CAMKMT: variants seen among roughly 807,000 people sequenced by gnomAD.
The protein encoded by CAMKMT is CaM KMT.
CAMKMT carries 53 observed loss-of-function variants against 48.0 expected under a neutral mutation model. That is an observed-to-expected ratio of 1.10 (90% CI 0.89 to 1.39). The LOEUF is 1.39. Among genes scored for constraint, CAMKMT ranks in the 40% most tolerant of loss-of-function variants. The pLI, the probability that CAMKMT is intolerant of heterozygous loss-of-function variation, is 0.00. For missense variants in CAMKMT, 428 were observed against 402.7 expected (o/e 1.06, Z -0.54); for synonymous variants, 165 against 152.3 (o/e 1.08, Z -0.61).
chr2:44,598,755 G>A (rs1490708850), intron 3 of CAMKMT, among the ~76,000 whole-genome samples: 2 of 65,618 alleles, frequency 3.0e-5, no homozygotes, highest in Non-Finnish European at 6.9e-5. Context: ...GCTCTGGGTG[G>A]GGAGGTGGTT....
chr2:44,499,463 C>A (rs1669906981), intron 3 of CAMKMT, among the ~76,000 whole-genome samples: 1 of 152,184 alleles, frequency 6.6e-6, no homozygotes, highest in Admixed American at 6.5e-5. Context: ...TTTGTAATTG[C>A]TCTCTAGTGT....
rs772390371 is a variant in CAMKMT, at chr2:44,753,249, C to CAA, written c.699-782_699-781dup. On this transcript the variant is annotated intron_variant, in intron 8 of 10. Coordinates refer to ENST00000378494, the MANE Select transcript of CAMKMT (RefSeq NM_024766.5). ...GCAACAGAGTGAGACCCTGTCCCTA[C>CAA]AAAAAAAAAAAAAAAAAAAAAAAAA... Among the ~76,000 whole-genome samples the CAA allele has an allele frequency of 2.9e-3, 188 of 65,336 alleles. 6 individuals are homozygous for CAA. The highest frequency in any genetic ancestry group is 7.3e-3 in the African/African-American group (108 of 14,728). 42.9% of individuals were successfully genotyped at this position (65,336 alleles called of 152,430 possible).
chr2:44,520,991 A>G lies in CAMKMT; in HGVS notation c.376+130686A>G, dbSNP rs933377933. 2.6e-5 allele frequency among the ~76,000 whole-genome samples: 4 copies of G among 152,170 alleles called. No individual in the cohort carries two copies. The East Asian group carries it at 5.8e-4, about 22-fold the overall frequency. Reference sequence around the variant, plus strand: ...TGAGCCAATTAAACCTCTTTTCTTTATAAATTACCCAGTCGTGGGCATTTC... The same window carrying G: ...TGAGCCAATTAAACCTCTTTTCTTTGTAAATTACCCAGTCGTGGGCATTTC... On this transcript the variant is annotated intron_variant, in intron 3 of 10. Transcript: ENST00000378494.
At chr2:44,649,971 G>C (rs1673965952) in intron 3 of CAMKMT, among the ~76,000 whole-genome samples, 1 of 152,186 alleles carries the variant, frequency 6.6e-6, no homozygotes, top group Admixed American at 6.5e-5. Flanking sequence ...GCAAACTACA[G>C]TGCCTGCCAG....
intron 7 of CAMKMT, among the ~76,000 whole-genome samples, chr2:44,733,074 A>G (rs1679168859): frequency 6.6e-6 from 1 of 152,166 alleles, no homozygotes; most frequent in South Asian, 2.1e-4. Context: ...ATTTAGGTTT[A>G]TGATTCATTT....
chr2:44,696,754 C>T (rs765428096), intron 3 of CAMKMT, among the ~76,000 whole-genome samples: 31 of 150,998 alleles, frequency 2.1e-4, no homozygotes, highest in Non-Finnish European at 4.4e-4. Flanking sequence ...TGACAGATAA[C>T]AAAACCAAGA....
intron 3 of CAMKMT, among the ~76,000 whole-genome samples, chr2:44,632,351 T>A (rs113539318): frequency 2.5e-3 from 384 of 152,320 alleles, no homozygotes; most frequent in Non-Finnish European, 3.9e-3. Flanking sequence ...TGTCATTTTT[T>A]AAACACTTTT....
intron 3 of CAMKMT, among the ~76,000 whole-genome samples, chr2:44,511,605 A>T (rs1572684135): frequency 6.6e-6 from 1 of 152,088 alleles, no homozygotes; most frequent in East Asian, 1.9e-4. Flanking sequence ...ATTCCTTTTT[A>T]TGGCTGACTA....
Position 44,704,310 on chromosome 2 carries a change from C to G in CAMKMT, c.404C>G (p.Ala135Gly). The G allele has an allele frequency of 6.2e-7, 1 of 1,610,680 alleles. No individual in the cohort carries two copies. Among genetic ancestry groups the G allele is most frequent in the Non-Finnish European group, 8.5e-7 (1 of 1,178,166 alleles). The change falls in exon 4 of 11, where the codon GCT becomes GGT. Residue 135 changes from alanine (A) to glycine (G), a missense_variant. Transcript: ENST00000378494. ...VCIWPSEEVL[A>G]YYCLKHNNIF... ...ATCTGGCCATCTGAAGAGGTTTTGG[C>G]TTACTACTGCCTCAAGCACAATAAT...
At chr2:44,440,857 G>T (rs1342575295) in intron 3 of CAMKMT, among the ~76,000 whole-genome samples, 1 of 151,796 alleles carries the variant, frequency 6.6e-6, no homozygotes, top group Non-Finnish European at 1.5e-5. Context: ...TAATATCATG[G>T]TATTATTTTT....
chr2:44,426,084 A>G (rs970279610), intron 3 of CAMKMT, among the ~76,000 whole-genome samples: 2 of 152,264 alleles, frequency 1.3e-5, no homozygotes, highest in African/African-American at 4.8e-5. Flanking sequence ...GACTTAAAAA[A>G]AATACCATGA....
intron 3 of CAMKMT, among the ~76,000 whole-genome samples, chr2:44,585,261 C>G (rs1198518101): frequency 6.6e-6 from 1 of 152,184 alleles, no homozygotes; most frequent in Non-Finnish European, 1.5e-5. Context: ...ACTGTCTTGG[C>G]TTTGCAAAGA....
intron 3 of CAMKMT, among the ~76,000 whole-genome samples, chr2:44,693,837 A>G (rs956829052): frequency 4.6e-5 from 7 of 152,300 alleles, no homozygotes; most frequent in African/African-American, 1.7e-4. Flanking sequence ...AGAAGGTTTG[A>G]TGGCTTAGCT....
chr2:44,488,360 T>G (rs1669310814), intron 3 of CAMKMT, among the ~76,000 whole-genome samples: 1 of 152,042 alleles, frequency 6.6e-6, no homozygotes, highest in Non-Finnish European at 1.5e-5. Flanking sequence ...AAAAATTAGC[T>G]GAGTGTGGTG....
In CAMKMT at chr2:44,446,153, C is replaced by T. The variant is rs554182309; in HGVS notation, c.376+55848C>T. Among the ~76,000 whole-genome samples, 8 of 151,954 alleles carry T rather than the reference C, an allele frequency of 5.3e-5. 1 individual carries two copies. Among genetic ancestry groups the T allele is most frequent in the East Asian group, 1.9e-4 (1 of 5,136 alleles). On this transcript the variant is annotated intron_variant, in intron 3 of 10. Transcript: ENST00000378494. ...AGTAGAGATGGAGTTTCAGCATGTT[C>T]GCCAGGCTGGTCTCGAATTCTTGAC...
At chr2:44,637,848 C>T (rs1432696917) in intron 3 of CAMKMT, among the ~76,000 whole-genome samples, 1 of 151,966 alleles carries the variant, frequency 6.6e-6, no homozygotes, top group Non-Finnish European at 1.5e-5. Flanking sequence ...GGGCAGATCA[C>T]AAGGTCAAAT....
At chr2:44,715,154 C>G in intron 6 of CAMKMT, 133 bp from the exon 7 acceptor site, 1 of 556,272 alleles carries the variant, frequency 1.8e-6, no homozygotes, top group Non-Finnish European at 3.1e-6. Flanking sequence ...GATCACGCCA[C>G]TGCACTCCAG....
intron 6 of CAMKMT, 84 bp downstream of exon 6, chr2:44,707,546 C>G (rs1558808939): frequency 4.3e-6 from 5 of 1,151,132 alleles, no homozygotes; most frequent in Non-Finnish European, 6.3e-6. Context: ...AGAAAGACAG[C>G]ATGGGGTATT....
At chr2:44,603,961 A>T (rs139098066) in intron 3 of CAMKMT, among the ~76,000 whole-genome samples, 12 of 152,294 alleles carry the variant, frequency 7.9e-5, no homozygotes, top group African/African-American at 2.6e-4. Context: ...GGTCAAACTG[A>T]ATTATAAGAC....
Sources: allele counts gnomAD v4.1 joint callset (sites outside exome capture counted in the v4.1 genomes callset), GRCh38; gene constraint gnomAD v4.1.1; transcripts MANE v1.5; gene names NCBI Gene and HGNC (gene_info 2026-07-23, HGNC 2026-07-21).